PRR12: variants seen among roughly 807,000 people sequenced by gnomAD.
PRR12 encodes the protein proline rich 12, also known as proline-rich protein 12.
Under a neutral mutation model 138.0 loss-of-function variants are expected in PRR12, and 12 were observed. The observed-to-expected ratio is 0.09, with a 90% CI of 0.06 to 0.14. PRR12 has a LOEUF of 0.14. PRR12 is among the 10% of genes least tolerant of loss of function. The pLI is 1.00. For missense variants in PRR12, 2,692 were observed against 2,861.3 expected, an observed-to-expected ratio of 0.94 and a Z score of 1.35; for synonymous variants, 1,567 against 1,291.7, an observed-to-expected ratio of 1.21 and a Z score of -4.57.
intron 10 of PRR12, among the ~76,000 whole-genome samples, chr19:49,620,767 AAGGGCTGG>A (rs2080918254): frequency 8.2e-6 from 1 of 121,744 alleles, no homozygotes; most frequent in African/African-American, 3.2e-5. Flanking sequence ...CTGAGGGAGG[AAGGGCTGG>A]GGGCCTGGAC....
rs1316785877 is a variant in PRR12, at chr19:49,616,204, G to A, written c.5482G>A (p.Ala1828Thr). ...CTCGGACTCGGAGTCCTCCCCTGGA[G>A]CCCCCAGCGAGGACGGTGAGGCCCT... ...SSSDSESSPG[A>T]PSEDERAVPG... The change falls in exon 9 of 14, where the codon GCC becomes ACC. Residue 1828 changes from alanine to threonine, a missense_variant. Physicochemically the swap from Ala to Thr is moderately conservative, Grantham distance 58. Coordinates refer to ENST00000418929, the MANE Select transcript of PRR12 (RefSeq NM_020719.3). This position sits in a 1 kb window ranked among gnomAD's most constrained non-coding sequence, Gnocchi z 4.2. 15 of 1,539,366 alleles carry A rather than the reference G, an allele frequency of 9.7e-6. No homozygotes were observed. Among genetic ancestry groups the A allele is most frequent in the Non-Finnish European group, 1.2e-5 (14 of 1,141,510 alleles).
In PRR12 at chr19:49,594,440, CT is replaced by C. The variant is rs1249920223; in HGVS notation, c.200-13del. Reference sequence around the variant, plus strand: ...ACCCCCACCTGGCTGACTATAACCCCTGTCCCCGGCCAGGCCTCTCTGGACT... The same window carrying C: ...ACCCCCACCTGGCTGACTATAACCCCGTCCCCGGCCAGGCCTCTCTGGACT... On this transcript the variant is annotated splice_polypyrimidine_tract_variant and intron_variant, in intron 2 of 13. Coordinates refer to ENST00000418929, the MANE Select transcript of PRR12 (RefSeq NM_020719.3). The surrounding 1 kb of genome is among the most constrained non-coding windows in gnomAD (Gnocchi z 5.6). The C allele has an allele frequency of 1.3e-6, 2 of 1,564,340 alleles. No individual in the cohort carries two copies. The highest frequency in any genetic ancestry group is 1.7e-6 in the Non-Finnish European group (2 of 1,158,280).
At position 49,596,123 on chromosome 19, in the gene PRR12, A is replaced by G. The variant is rs1157961354; in HGVS notation, c.1788A>G (p.Ser596=). The change falls in exon 4 of 14, where the codon TCA becomes TCG. Residue 596 remains serine (S), a synonymous_variant. Coordinates refer to ENST00000418929, the MANE Select transcript of PRR12 (RefSeq NM_020719.3). This position sits in a 1 kb window ranked among gnomAD's most constrained non-coding sequence, Gnocchi z 5.6. ...AATACCTGAGCTCAGTCTTGGCCTC[A>G]GCGCCTTTCCTGGCACCTCCGGGAG... The part of the protein sequence containing the change: ...PGKYLSSVLA[S]APFLAPPGAG... 1 of 1,604,272 alleles carries G rather than the reference A, an allele frequency of 6.2e-7. No homozygotes were observed.
intron 6 of PRR12, among the ~76,000 whole-genome samples, chr19:49,612,878 G>C (rs1464460928): frequency 6.6e-6 from 1 of 151,724 alleles, no homozygotes; most frequent in African/African-American, 2.4e-5. Flanking sequence ...AGGCTGGGCT[G>C]GTCTCAAACT....
chr19:49,595,121 C>T lies in PRR12; in HGVS notation c.786C>T (p.Ser262=). ...SAAAAAAEQS[S]PQLYNFSGAA... The stretch of plus-strand genomic sequence containing the variant: ...CCGCCGCCGCTGCCGAGCAGTCCTC[C>T]CCACAGCTCTATAACTTCTCGGGTG... Residue 262 remains serine, a synonymous_variant, in exon 4 of 14, where the codon TCC becomes TCT. Transcript: ENST00000418929. The T allele has an allele frequency of 6.2e-7, 1 of 1,612,176 alleles. No individual in the cohort carries two copies. Among genetic ancestry groups the T allele is most frequent in the Non-Finnish European group, 8.5e-7 (1 of 1,179,728 alleles).
chr19:49,594,313 C>A lies in PRR12; in HGVS notation c.200-141C>A. On this transcript the variant is annotated intron_variant, in intron 2 of 13. Transcript: ENST00000418929. The surrounding 1 kb of genome is among the most constrained non-coding windows in gnomAD (Gnocchi z 5.6). ...TCATGTCTCATTAGCTTGGTTCTAT[C>A]CATCTTGTTTTTGAATTTGCCCTTT... 1.4e-6 allele frequency: 1 copy of A among 693,620 alleles called. No individual in the cohort carries two copies. Among genetic ancestry groups the A allele is most frequent in the Non-Finnish European group, 2.3e-6 (1 of 427,908 alleles). 43.0% of individuals were successfully genotyped at this position (693,620 alleles called of 1,614,324 possible). A position where few individuals can be genotyped will look rare whatever the true frequency, so the allele number is the denominator to read the frequency against.
Position 49,593,372 on chromosome 19 carries a change from C to T in PRR12, c.132C>T (p.Ile44=). Residue 44 remains isoleucine, a synonymous_variant, in exon 2 of 14, where the codon ATC becomes ATT. Transcript: ENST00000418929. ...SSRTSHPETD[I]LHRQAYAAPH... The stretch of plus-strand genomic sequence containing the variant: ...GGACCTCGCACCCCGAGACGGACAT[C>T]TTACACCGCCAGGCCTATGCGGCCC... 1.9e-6 allele frequency: 3 copies of T among 1,612,448 alleles called. No homozygotes were observed. Among genetic ancestry groups the T allele is most frequent in the Non-Finnish European group, 2.5e-6 (3 of 1,179,414 alleles).
At position 49,616,312 on chromosome 19, in the gene PRR12, AC is replaced by A; in HGVS notation, c.5497+94del. 1 of 1,148,756 alleles carries A rather than the reference AC, an allele frequency of 8.7e-7. No homozygotes were observed. The highest frequency in any genetic ancestry group is 1.2e-6 in the Non-Finnish European group (1 of 831,880). 71.2% of individuals were successfully genotyped at this position (1,148,756 alleles called of 1,614,324 possible). A position where few individuals can be genotyped will look rare whatever the true frequency, so the allele number is the denominator to read the frequency against. On this transcript the variant is annotated intron_variant, in intron 9 of 13. Coordinates refer to ENST00000418929, the MANE Select transcript of PRR12 (RefSeq NM_020719.3). The surrounding 1 kb of genome is among the most constrained non-coding windows in gnomAD (Gnocchi z 4.2). ...GAGGGCTCCAGGTAGCCTTGGCAGG[AC>A]AGTAAGAACCAGTATGTTACAGATA...
Position 49,594,049 on chromosome 19 carries a change from G to A in PRR12, c.200-405G>A, listed in dbSNP as rs966660686. 2.0e-5 allele frequency among the ~76,000 whole-genome samples: 3 copies of A among 151,698 alleles called. No homozygotes were observed. The highest frequency in any genetic ancestry group is 2.0e-4 in the Admixed American group (3 of 15,230). On this transcript the variant is annotated intron_variant, in intron 2 of 13. Transcript: ENST00000418929. This position sits in a 1 kb window ranked among gnomAD's most constrained non-coding sequence, Gnocchi z 5.6. ...CACTTAGCTCAATCCTTTCTGACAC[G>A]TTCTCTGGTCTTTCTTAGACTTCAT... is the stretch of plus-strand genomic sequence containing the variant.
chr19:49,608,624 C>T (rs929265383), intron 6 of PRR12, among the ~76,000 whole-genome samples: 6 of 152,084 alleles, frequency 3.9e-5, no homozygotes, highest in Non-Finnish European at 8.8e-5. Context: ...CCGACTTAGC[C>T]TCCCAAAGTA....
At chr19:49,591,816 G>GCCCGC (rs1202509034) in intron 1 of PRR12, 76 bp downstream of exon 1, 5 of 797,018 alleles carry the variant, frequency 6.3e-6, no homozygotes, top group Middle Eastern at 4.4e-4. Context: ...GCCGGGCCGG[G>GCCCGC]CCCGCCCGGC....
Position 49,595,371 on chromosome 19 carries a change from C to A in PRR12, c.1036C>A (p.Pro346Thr). Residue 346 changes from proline to threonine, a missense_variant, in exon 4 of 14, where the codon CCT becomes ACT. Transcript: ENST00000418929. ...GGEPSPGAGE[P>T]SKAGPSGATA... ...GGAGCCCTCCCCGGGTGCTGGGGAG[C>A]CTAGCAAGGCTGGTCCCAGCGGAGC... The A allele has an allele frequency of 1.3e-6, 2 of 1,539,676 alleles. No homozygotes were observed. Among genetic ancestry groups the A allele is most frequent in the Non-Finnish European group, 1.8e-6 (2 of 1,142,070 alleles).
At chr19:49,593,833 G>C (rs2080746394) in intron 2 of PRR12, among the ~76,000 whole-genome samples, 1 of 151,896 alleles carries the variant, frequency 6.6e-6, no homozygotes, top group Non-Finnish European at 1.5e-5. Context: ...CTAATTCTCT[G>C]GCCCGCCCTG....
At chr19:49,603,910 G>T (rs929882019) in intron 6 of PRR12, among the ~76,000 whole-genome samples, 31 of 151,748 alleles carry the variant, frequency 2.0e-4, no homozygotes, top group African/African-American at 7.5e-4. Context: ...AACCTCTGCT[G>T]CCCGGGTTCA....
Position 49,614,762 on chromosome 19 carries a change from C to T in PRR12, c.4890+113C>T. 1 of 1,529,168 alleles carries T rather than the reference C, an allele frequency of 6.5e-7. No homozygotes were observed. Among genetic ancestry groups the T allele is most frequent in the East Asian group, 2.3e-5 (1 of 43,096 alleles). The allele number at this position is 1,529,168 out of a possible 1,614,324, so 94.7% of individuals were successfully genotyped here. On this transcript the variant is annotated intron_variant, in intron 7 of 13. Coordinates refer to ENST00000418929, the MANE Select transcript of PRR12 (RefSeq NM_020719.3). The surrounding 1 kb of genome is among the most constrained non-coding windows in gnomAD (Gnocchi z 5.0). ...CTCCACAGTGTATCTGGAAGGGGGCCCCCTGCTGCCGGCAGGCTCCAAGCA... is the reference window on the plus strand; with the variant it reads ...CTCCACAGTGTATCTGGAAGGGGGCTCCCTGCTGCCGGCAGGCTCCAAGCA...
chr19:49,607,984 A>C (rs2080847214), intron 6 of PRR12, among the ~76,000 whole-genome samples: 1 of 152,230 alleles, frequency 6.6e-6, no homozygotes, highest in Non-Finnish European at 1.5e-5. Context: ...ACGCCATTGC[A>C]CTCAAGCCTG....
At position 49,597,593 on chromosome 19, in the gene PRR12, A is replaced by C; in HGVS notation, c.3258A>C (p.Pro1086=). 1 of 1,608,080 alleles carries C rather than the reference A, an allele frequency of 6.2e-7. No homozygotes were observed. Among genetic ancestry groups the C allele is most frequent in the South Asian group, 1.1e-5 (1 of 89,998 alleles). ...TCCACCTGCTGCGGCGCCGCGACCC[A>C]CCCTTCCAGACCCCCAAGAAGCTGT... ...SSFHLLRRRD[P]PFQTPKKLYA... The change falls in exon 4 of 14, where the codon CCA becomes CCC. Residue 1086 remains proline, a synonymous_variant. Coordinates refer to ENST00000418929, the MANE Select transcript of PRR12 (RefSeq NM_020719.3). The surrounding 1 kb of genome is among the most constrained non-coding windows in gnomAD (Gnocchi z 6.3).
chr19:49,608,515 C>G (rs1213739501), intron 6 of PRR12, among the ~76,000 whole-genome samples: 1 of 152,056 alleles, frequency 6.6e-6, no homozygotes, highest in Admixed American at 6.6e-5. Flanking sequence ...AGACTACAGG[C>G]AAGTGCCACC....
At position 49,591,686 on chromosome 19, in the gene PRR12, G is replaced by C; in HGVS notation, c.32G>C (p.Gly11Ala). Residue 11 changes from glycine (G) to alanine (A), a missense_variant, in exon 1 of 14, where the codon GGG becomes GCG. Around this residue, in one of 11 missense-constraint regions of PRR12, gnomAD observed 211 missense variants for 266.3 expected, o/e 0.79. Transcript: ENST00000418929. ...AGGAACTACCCCAGCGCCGGCTTCG[G>C]GGACCCGCTCGGCGCCGGGGCGGGA... Reference protein sequence around the residue: MDRNYPSAGFGDPLGAGAGWS... With the variant: MDRNYPSAGFADPLGAGAGWS... 3 of 1,499,698 alleles carry C rather than the reference G, an allele frequency of 2.0e-6. No homozygotes were observed. Among genetic ancestry groups the C allele is most frequent in the Non-Finnish European group, 2.7e-6 (3 of 1,124,414 alleles). The allele number at this position is 1,499,698 out of a possible 1,614,324, so 92.9% of individuals were successfully genotyped here.
Sources: allele counts gnomAD v4.1 joint callset (sites outside exome capture counted in the v4.1 genomes callset), GRCh38; gene constraint gnomAD v4.1.1; regional missense constraint gnomAD v4.1.1; non-coding constraint Gnocchi (gnomAD v3.1); transcripts MANE v1.5; gene names NCBI Gene and HGNC (gene_info 2026-07-23, HGNC 2026-07-21).